The following ADCY8 variants were observed in gnomAD, a reference collection of about 807,000 sequenced individuals.
ADCY8 encodes the protein adenylate cyclase 8, also known as adenylate cyclase type 8.
A neutral mutation model predicts 119.7 loss-of-function variants in ADCY8; 51 were observed. That is an observed-to-expected ratio of 0.43 (90% CI 0.34 to 0.54). The LOEUF (loss-of-function observed/expected upper bound fraction) is 0.54. Ranked by LOEUF, ADCY8 falls within the 20% of genes least tolerant of loss-of-function variation. The probability of loss-of-function intolerance (pLI) is 0.03; values close to 1 mark genes in which losing one functional copy is unlikely to be tolerated. For synonymous variants in ADCY8, 665 were observed against 651.0 expected (o/e 1.02, Z -0.33); for missense variants, 1,383 against 1,598.8 (o/e 0.87, Z 2.30).
At chr8:130,836,783 G>C (rs781708554) in intron 11 of ADCY8, among the ~76,000 whole-genome samples, 2 of 152,094 alleles carry the variant, frequency 1.3e-5, no homozygotes, top group Non-Finnish European at 1.5e-5. Context: ...ACCCAGGCTG[G>C]AGGGCAGTGG....
At chr8:130,879,484 T>C (rs1818689822) in intron 8 of ADCY8, among the ~76,000 whole-genome samples, 1 of 152,232 alleles carries the variant, frequency 6.6e-6, no homozygotes, top group South Asian at 2.1e-4. Context: ...TGCTTTTTAC[T>C]TCTTACCAAA....
intron 2 of ADCY8, among the ~76,000 whole-genome samples, chr8:130,965,444 A>ATGCAACAAACCTG (rs1211324970): frequency 1.3e-5 from 2 of 152,232 alleles, no homozygotes; most frequent in Non-Finnish European, 2.9e-5. Context: ...TGATATACCA[A>ATGCAACAAACCTG]TGCAACAAAC....
At chr8:130,784,986 C>T (rs1815205344) in intron 16 of ADCY8, among the ~76,000 whole-genome samples, 1 of 152,178 alleles carries the variant, frequency 6.6e-6, no homozygotes, top group Non-Finnish European at 1.5e-5. Flanking sequence ...GCCTGGAACA[C>T]AGTCAACACT....
chr8:130,912,058 G>A (rs2130557367), intron 5 of ADCY8, among the ~76,000 whole-genome samples: 1 of 152,240 alleles, frequency 6.6e-6, no homozygotes, highest in East Asian at 1.9e-4. Context: ...AATCTGGAAT[G>A]TCCATTACCT....
intron 2 of ADCY8, among the ~76,000 whole-genome samples, chr8:130,952,952 C>T (rs541804539): frequency 2.0e-5 from 3 of 152,282 alleles, no homozygotes; most frequent in African/African-American, 7.2e-5. Context: ...GTGAGACGCA[C>T]GCAGCCTGAA....
rs141014713 is a variant in ADCY8 at position 130,893,203 on chromosome 8, T to C, written c.1912-8442A>G. Among the ~76,000 whole-genome samples, 115 of 152,320 alleles carry C rather than the reference T, an allele frequency of 7.5e-4. 1 individual carries two copies. Among genetic ancestry groups the C allele is most frequent in the Non-Finnish European group, 1.4e-3 (95 of 68,024 alleles). ...GATTTGAGGCAAATTGTCAATTGAA[T>C]TGAATTTTTAGCTTTTTAAGTATCA... On this transcript the variant is annotated intron_variant, in intron 7 of 17. Transcript: ENST00000286355.
At chr8:130,939,977 C>G (rs1820908826) in intron 4 of ADCY8, among the ~76,000 whole-genome samples, 1 of 152,156 alleles carries the variant, frequency 6.6e-6, no homozygotes, top group South Asian at 2.1e-4. Flanking sequence ...GGATGTCACC[C>G]TCACCAACTC....
intron 2 of ADCY8, among the ~76,000 whole-genome samples, chr8:130,976,800 T>TC (rs1450478270): frequency 1.3e-5 from 2 of 152,192 alleles, no homozygotes; most frequent in African/African-American, 4.8e-5. Flanking sequence ...TTATATATCC[T>TC]CCTCAAATAT....
At chr8:130,950,466 T>G (rs926411690) in intron 3 of ADCY8, among the ~76,000 whole-genome samples, 1 of 151,818 alleles carries the variant, frequency 6.6e-6, no homozygotes, top group Admixed American at 6.6e-5. Context: ...GACAGGGAAT[T>G]GCAGTGGTGG....
intron 2 of ADCY8, among the ~76,000 whole-genome samples, chr8:130,986,876 G>T (rs1362989990): frequency 6.6e-6 from 1 of 152,198 alleles, no homozygotes; most frequent in Non-Finnish European, 1.5e-5. Flanking sequence ...TTCCACTTAA[G>T]AGGTTCACAA....
intron 2 of ADCY8, among the ~76,000 whole-genome samples, chr8:130,976,566 T>C (rs1419754660): frequency 6.6e-6 from 1 of 152,216 alleles, no homozygotes; most frequent in African/African-American, 2.4e-5. Flanking sequence ...AATTCAATTT[T>C]TATAATTCTG....
At chr8:130,956,148 A>C (rs1399828490) in intron 2 of ADCY8, among the ~76,000 whole-genome samples, 6 of 152,200 alleles carry the variant, frequency 3.9e-5, no homozygotes, top group South Asian at 2.1e-4. Flanking sequence ...CTGCCTCAAA[A>C]AAACAAACAA....
chr8:130,915,786 C>A (rs1820110325), intron 5 of ADCY8, among the ~76,000 whole-genome samples: 1 of 152,186 alleles, frequency 6.6e-6, no homozygotes, highest in African/African-American at 2.4e-5. Context: ...TGCTAAAACT[C>A]TGCCTACATC....
chr8:130,840,230 G>A lies in ADCY8; in HGVS notation c.2503-3781C>T, dbSNP rs1817099254. On this transcript the variant is annotated intron_variant, in intron 11 of 17. Coordinates refer to ENST00000286355, the MANE Select transcript of ADCY8 (RefSeq NM_001115.3). ...GTTTAGTGAGCAATGACATAAATGAGGCTGGGGTTCAGAAGGCAGATGGGG... is the reference window on the plus strand; with the variant it reads ...GTTTAGTGAGCAATGACATAAATGAAGCTGGGGTTCAGAAGGCAGATGGGG... Among the ~76,000 whole-genome samples the A allele has an allele frequency of 1.4e-5, 2 of 138,342 alleles. 1 individual carries two copies. The highest frequency in any genetic ancestry group is 3.3e-5 in the Non-Finnish European group (2 of 61,368). The allele number at this position is 138,342 out of a possible 152,430, so 90.8% of individuals were successfully genotyped here.
intron 14 of ADCY8, among the ~76,000 whole-genome samples, chr8:130,809,867 T>C (rs1243848065): frequency 1.3e-5 from 2 of 152,242 alleles, no homozygotes; most frequent in Non-Finnish European, 2.9e-5. Context: ...CTGGCTGCTG[T>C]GGCCAGGGAC....
chr8:131,000,366 G>GA (rs1318307435), intron 1 of ADCY8, among the ~76,000 whole-genome samples: 1 of 152,136 alleles, frequency 6.6e-6, no homozygotes, highest in Non-Finnish European at 1.5e-5. Flanking sequence ...GGGTGTATGG[G>GA]AAAAATGTAG....
intron 5 of ADCY8, 40 bp from the exon 6 acceptor site, chr8:130,909,906 C>T (rs1419109529): frequency 1.9e-6 from 3 of 1,590,512 alleles, no homozygotes; most frequent in Admixed American, 3.5e-5. Context: ...TGTATAAGAC[C>T]AGAGTGGGCA....
intron 8 of ADCY8, among the ~76,000 whole-genome samples, chr8:130,879,815 A>G (rs1818701985): frequency 6.6e-6 from 1 of 152,140 alleles, no homozygotes. Context: ...TATGTTACGA[A>G]GCCCTGTGCA....
chr8:131,024,054 C>G (rs931362141), intron 1 of ADCY8, among the ~76,000 whole-genome samples: 1 of 152,164 alleles, frequency 6.6e-6, no homozygotes, highest in African/African-American at 2.4e-5. Context: ...AGTGGACATC[C>G]TCTCATCCTG....
Sources: allele counts gnomAD v4.1 joint callset (sites outside exome capture counted in the v4.1 genomes callset), GRCh38; gene constraint gnomAD v4.1.1; transcripts MANE v1.5; gene names NCBI Gene and HGNC (gene_info 2026-07-23, HGNC 2026-07-21).